Variants in AGL observed in about 807,000 individuals in gnomAD.
AGL encodes amylo-alpha-1,6-glucosidase and 4-alpha-glucanotransferase.
AGL carries 128 observed loss-of-function variants against 199.3 expected under a neutral mutation model. The observed-to-expected ratio is 0.64, with a 90% CI of 0.56 to 0.74. AGL has a LOEUF of 0.74. AGL is among the 30% of genes least tolerant of loss of function. The pLI is 0.00. For missense variants in AGL, 1,809 were observed against 1,820.8 expected, an observed-to-expected ratio of 0.99 and a Z score of 0.12; for synonymous variants, 584 against 594.7, an observed-to-expected ratio of 0.98 and a Z score of 0.26.
At chr1:99,862,053 A>G (rs1650083343) in intron 3 of AGL, among the ~76,000 whole-genome samples, 1 of 152,216 alleles carries the variant, frequency 6.6e-6, no homozygotes, top group South Asian at 2.1e-4. Context: ...TTTGTGTATT[A>G]TACATGTAAT....
chr1:99,857,489 G>T (rs1420599572), intron 2 of AGL, among the ~76,000 whole-genome samples: 1 of 151,972 alleles, frequency 6.6e-6, no homozygotes, highest in African/African-American at 2.4e-5. Context: ...GTAGTGAGCC[G>T]AGATCACGCC....
At chr1:99,866,968 A>G (rs1421797464) in intron 5 of AGL, among the ~76,000 whole-genome samples, 3 of 151,840 alleles carry the variant, frequency 2.0e-5, no homozygotes, top group Non-Finnish European at 2.9e-5. Flanking sequence ...ACAGGCATGC[A>G]CCAACACACC....
intron 29 of AGL, among the ~76,000 whole-genome samples, chr1:99,912,975 C>T (rs1237465872): frequency 1.3e-5 from 2 of 152,128 alleles, no homozygotes; most frequent in African/African-American, 4.8e-5. Context: ...GTAATCTCCA[C>T]ACTTTGGGGG....
chr1:99,864,586 A>T lies in AGL; in HGVS notation c.661A>T (p.Thr221Ser). The change falls in exon 5 of 34, where the codon ACT (threonine) becomes TCT (serine). Residue 221 changes from threonine to serine, a missense_variant. Coordinates refer to ENST00000361915, the MANE Select transcript of AGL (RefSeq NM_000642.3). ...TATTACTGATGTTGTCTACAATCATACTGGTATGAGCTTCATTGACTGCCT... is the reference window on the plus strand; with the variant it reads ...TATTACTGATGTTGTCTACAATCATTCTGGTATGAGCTTCATTGACTGCCT... ...ICITDVVYNH[T>S]AANSKWIQEH... The T allele has an allele frequency of 1.2e-6, 2 of 1,612,930 alleles. No individual in the cohort carries two copies. The highest frequency in any genetic ancestry group is 2.2e-5 in the South Asian group (2 of 90,996).
intron 17 of AGL, 58 bp downstream of exon 17, chr1:99,881,749 C>A: frequency 2.2e-6 from 3 of 1,383,970 alleles, no homozygotes; most frequent in Non-Finnish European, 2.0e-6. Flanking sequence ...TTAAATTATA[C>A]TGTAATGTTA....
chr1:99,916,087 A>G (rs1655091234), intron 31 of AGL, among the ~76,000 whole-genome samples: 1 of 152,146 alleles, frequency 6.6e-6, no homozygotes, highest in Admixed American at 6.5e-5. Flanking sequence ...AGGCTTCAAT[A>G]TATTAGAGGC....
intron 2 of AGL, among the ~76,000 whole-genome samples, chr1:99,859,103 C>CACAT (rs1295077487): frequency 6.6e-6 from 1 of 152,138 alleles, no homozygotes; most frequent in African/African-American, 2.4e-5. Flanking sequence ...ACAGGTTGTA[C>CACAT]ACATATACCC....
intron 23 of AGL, 83 bp downstream of exon 23, chr1:99,891,822 C>A (rs1652922635): frequency 4.0e-6 from 6 of 1,510,078 alleles, no homozygotes; most frequent in Non-Finnish European, 1.8e-6. Context: ...TCTTAAAAAA[C>A]CAAACCATAA....
intron 1 of AGL, 160 bp from the exon 2 acceptor site, chr1:99,850,813 CTA>C: frequency 1.8e-6 from 1 of 544,596 alleles, no homozygotes; most frequent in Non-Finnish European, 3.3e-6. Flanking sequence ...CAGGAAACAA[CTA>C]TTAATTTGCC....
intron 5 of AGL, among the ~76,000 whole-genome samples, chr1:99,868,449 T>G (rs1037711115): frequency 2.0e-5 from 3 of 151,878 alleles, no homozygotes; most frequent in African/African-American, 7.3e-5. Flanking sequence ...CCATCTCTAC[T>G]AAAAATACAA....
chr1:99,899,962 C>T (rs1453364510), intron 25 of AGL, among the ~76,000 whole-genome samples: 2 of 151,230 alleles, frequency 1.3e-5, no homozygotes, highest in African/African-American at 2.4e-5. Context: ...TAGAGTCTTG[C>T]TCTGTTGCCC....
intron 5 of AGL, among the ~76,000 whole-genome samples, chr1:99,864,907 C>T (rs1433769107): frequency 6.6e-6 from 1 of 152,200 alleles, no homozygotes; most frequent in Non-Finnish European, 1.5e-5. Context: ...CCCTTATTCG[C>T]AGTTTTGCTT....
chr1:99,900,779 C>A lies in AGL; in HGVS notation c.3506C>A (p.Pro1169Gln), dbSNP rs1180970412. ...ATCCAGGATTACTGTAAAATGGTTC[C>A]AAATGGTCTAGACATTCTCAAGTGC... ...QCIQDYCKMV[P>Q]NGLDILKCPV... is the part of the protein sequence containing the mutation. The change falls in exon 26 of 34, where the codon CCA (proline) becomes CAA (glutamine). Residue 1169 changes from proline (P) to glutamine (Q), a missense_variant. Pro to Gln is a moderately conservative substitution (Grantham distance 76, BLOSUM62 -1). Transcript: ENST00000361915. The A allele has an allele frequency of 6.2e-7, 1 of 1,614,026 alleles. No individual in the cohort carries two copies. The highest frequency in any genetic ancestry group is 1.7e-5 in the Admixed American group (1 of 60,010).
Position 99,862,218 on chromosome 1 carries a change from TC to T in AGL, c.294-38del, listed in dbSNP as rs1200452176. 3 of 1,603,140 alleles carry T rather than the reference TC, an allele frequency of 1.9e-6. No individual in the cohort carries two copies. In the Admixed American group the frequency reaches 5.0e-5, roughly 27 times the overall value. ...ATATTATATGAGGATTTTTTTTCTA[TC>T]ACTGACTGAAAAGTTTTTGTTTTGT... is the stretch of plus-strand genomic sequence containing the variant. On this transcript the variant is annotated intron_variant, in intron 3 of 33. Coordinates refer to ENST00000361915, the MANE Select transcript of AGL (RefSeq NM_000642.3).
chr1:99,877,869 A>G lies in AGL; in HGVS notation c.1611+41A>G, dbSNP rs879081783. 7.5e-6 allele frequency: 12 copies of G among 1,591,196 alleles called. No homozygotes were observed. In the South Asian group the frequency reaches 1.2e-4, roughly 16 times the overall value. On this transcript the variant is annotated intron_variant, in intron 12 of 33. Coordinates refer to ENST00000361915, the MANE Select transcript of AGL (RefSeq NM_000642.3). ...TTATCTACATTAAGAAAAGAAATTC[A>G]GTGTTCCTTCCTAGCTTTCCTTAAG...
intron 5 of AGL, among the ~76,000 whole-genome samples, chr1:99,866,302 C>A (rs1256586575): frequency 6.6e-6 from 1 of 152,128 alleles, no homozygotes; most frequent in African/African-American, 2.4e-5. Context: ...GTATTTATTT[C>A]TTACAAAAGA....
intron 7 of AGL, among the ~76,000 whole-genome samples, chr1:99,872,499 A>G (rs6577141): frequency 0.74 from 112,879 of 151,834 alleles, 42,785 homozygotes; most frequent in African/African-American, 0.91. Context: ...ATGTTTGTCA[A>G]TTAGGCAAAA....
Position 99,870,851 on chromosome 1 carries a change from A to G in AGL, c.940A>G (p.Arg314Gly), listed in dbSNP as rs756443678. 1 of 1,598,382 alleles carries G rather than the reference A, an allele frequency of 6.3e-7. No individual in the cohort carries two copies. ...VDVNKAVEQFRRLLTQENRRV... is the reference protein window; with the variant it reads ...VDVNKAVEQFGRLLTQENRRV... ...TGTCAACAAAGCGGTTGAGCAATTT[A>G]GAAGACTTCTTACACAAGGTAAAGG... The change falls in exon 7 of 34, where the codon AGA becomes GGA. Residue 314 changes from arginine to glycine, a missense_variant. Physicochemically the swap from Arg to Gly is moderately radical, Grantham distance 125. Coordinates refer to ENST00000361915, the MANE Select transcript of AGL (RefSeq NM_000642.3).
chr1:99,899,541 T>TC (rs1491201676), intron 25 of AGL, among the ~76,000 whole-genome samples: 6 of 150,198 alleles, frequency 4.0e-5, no homozygotes, highest in South Asian at 2.1e-4. Flanking sequence ...TCTCTCTCTC[T>TC]TTCTCTCTCT....
Sources: allele counts gnomAD v4.1 joint callset (sites outside exome capture counted in the v4.1 genomes callset), GRCh38; gene constraint gnomAD v4.1.1; transcripts MANE v1.5; gene names NCBI Gene and HGNC (gene_info 2026-07-23, HGNC 2026-07-21).